LRP1B: variants seen among roughly 807,000 people sequenced by gnomAD.
The protein encoded by LRP1B is low-density lipoprotein receptor-related protein 1B.
LRP1B carries 217 observed loss-of-function variants against 556.6 expected under a neutral mutation model. That is an observed-to-expected ratio of 0.39 (90% confidence interval 0.35 to 0.44). LRP1B has a LOEUF of 0.44. Ranked by LOEUF, LRP1B falls within the 20% of genes least tolerant of loss-of-function variation. LRP1B has a pLI of 1.00. For synonymous variants in LRP1B, 2,047 were observed against 1,865.8 expected, an observed-to-expected ratio of 1.10 and a Z score of -2.50; for missense variants, 5,053 against 5,620.8, an observed-to-expected ratio of 0.90 and a Z score of 3.23.
Position 140,782,436 on chromosome 2 carries a change from T to A in LRP1B, c.5360-6198A>T, listed in dbSNP as rs954367023. Among the ~76,000 whole-genome samples the A allele has an allele frequency of 1.4e-4, 21 of 152,252 alleles. No homozygotes were observed. The East Asian group carries it at 2.3e-3, about 17-fold the overall frequency. ...ACAGATATGCACTGAGGAAAGGCCA[T>A]GTGAAACCACAGGGAGAAGACCGTC... On this transcript the variant is annotated intron_variant, in intron 32 of 90. Coordinates refer to ENST00000389484, the MANE Select transcript of LRP1B (RefSeq NM_018557.3).
intron 1 of LRP1B, among the ~76,000 whole-genome samples, chr2:141,995,953 C>G (rs1192227491): frequency 1.3e-5 from 2 of 152,038 alleles, no homozygotes; most frequent in Non-Finnish European, 2.9e-5. Context: ...ATCTTATACC[C>G]ATTAAGAAGT....
intron 7 of LRP1B, among the ~76,000 whole-genome samples, chr2:141,153,369 T>G (rs1701977921): frequency 9.1e-6 from 1 of 109,512 alleles, no homozygotes. Context: ...TATATTTATA[T>G]ATAATAATAT....
Position 140,237,847 on chromosome 2 carries a change from C to A in LRP1B, c.13560+305G>T, listed in dbSNP as rs975502776. 2.0e-5 allele frequency among the ~76,000 whole-genome samples: 3 copies of A among 150,610 alleles called. No homozygotes were observed. In the Admixed American group the frequency reaches 2.0e-4, roughly 10 times the overall value. ...TAAAACAATTTTTAAATGAGTTTTT[C>A]GTTTGCTTTATGTAAACAAAATTAG... On this transcript the variant is annotated intron_variant, in intron 89 of 90. Transcript: ENST00000389484.
chr2:141,044,328 C>T (rs1464315193), intron 11 of LRP1B, among the ~76,000 whole-genome samples: 1 of 151,672 alleles, frequency 6.6e-6, no homozygotes, highest in Non-Finnish European at 1.5e-5. Flanking sequence ...TAGAAAAAAA[C>T]CTAGGCATTA....
chr2:141,601,826 C>T (rs1469324606), intron 2 of LRP1B, among the ~76,000 whole-genome samples: 1 of 152,076 alleles, frequency 6.6e-6, no homozygotes, highest in Non-Finnish European at 1.5e-5. Flanking sequence ...TGGTTTTGAA[C>T]TAATGATCTC....
At position 142,115,706 on chromosome 2, in the gene LRP1B, A is replaced by ACATATATATAATATATATATT. The variant is rs1491096067; in HGVS notation, c.82+14941_82+14942insAATATATATATTATATATATG. Among the ~76,000 whole-genome samples the ACATATATATAATATATATATT allele has an allele frequency of 7.0e-3, 26 of 3,722 alleles. 8 individuals carry two copies. Among genetic ancestry groups the ACATATATATAATATATATATT allele is most frequent in the African/African-American group, 0.021 (25 of 1,198 alleles). 2.4% of individuals were successfully genotyped at this position (3,722 alleles called of 152,430 possible). On this transcript the variant is annotated intron_variant, in intron 1 of 90. Coordinates refer to ENST00000389484, the MANE Select transcript of LRP1B (RefSeq NM_018557.3). ...TATAATATATATGTAATATATATAT[A>ACATATATATAATATATATATT]ATATATATGTAATATATATATAATA...
chr2:141,761,816 A>T (rs1226042340), intron 2 of LRP1B, among the ~76,000 whole-genome samples: 2 of 152,126 alleles, frequency 1.3e-5, no homozygotes, highest in Non-Finnish European at 2.9e-5. Flanking sequence ...TGAAACTGTG[A>T]ACTACCTCAA....
At chr2:140,765,761 T>C (rs1297509491) in intron 35 of LRP1B, among the ~76,000 whole-genome samples, 1 of 152,162 alleles carries the variant, frequency 6.6e-6, no homozygotes, top group Non-Finnish European at 1.5e-5. Context: ...TCTTATGAAA[T>C]GCACAGGTTT....
intron 3 of LRP1B, among the ~76,000 whole-genome samples, chr2:141,390,516 A>T (rs1690011020): frequency 6.6e-6 from 1 of 152,238 alleles, no homozygotes; most frequent in African/African-American, 2.4e-5. Context: ...GCATTATGCA[A>T]AAGATTTTAA....
intron 1 of LRP1B, among the ~76,000 whole-genome samples, chr2:142,010,307 C>A (rs1702916095): frequency 6.6e-6 from 1 of 152,034 alleles, no homozygotes; most frequent in Non-Finnish European, 1.5e-5. Flanking sequence ...GTAATCCTAG[C>A]ACTTTGGGAG....
chr2:140,416,407 G>C (rs899930456), intron 66 of LRP1B, among the ~76,000 whole-genome samples: 1 of 152,180 alleles, frequency 6.6e-6, no homozygotes, highest in Non-Finnish European at 1.5e-5. Flanking sequence ...TGTAATCCCA[G>C]CACTTGGGGA....
In LRP1B at chr2:140,950,336, C is replaced by A. The variant is rs1166257946; in HGVS notation, c.3035G>T (p.Arg1012Ile). ...CVHSCFDNQF[R>I]CSSGRCIPGH... ...TGGGATGCATCTGCCACTGGAACAT[C>A]TGAACTGATTATCAAAGCAAGAGTG... The change falls in exon 20 of 91, where the codon AGA (arginine) becomes ATA (isoleucine). Residue 1012 changes from arginine to isoleucine, a missense_variant. Physicochemically the swap from Arg to Ile is moderately conservative, Grantham distance 97. This residue lies in a region of LRP1B where 3,619 missense variants were observed against 3,931.9 expected (regional missense o/e 0.92). Coordinates refer to ENST00000389484, the MANE Select transcript of LRP1B (RefSeq NM_018557.3). The A allele has an allele frequency of 8.7e-6, 14 of 1,612,938 alleles. No individual in the cohort carries two copies. Among genetic ancestry groups the A allele is most frequent in the Non-Finnish European group, 1.1e-5 (13 of 1,179,508 alleles).
At chr2:141,231,247 C>A (rs538032179) in intron 5 of LRP1B, among the ~76,000 whole-genome samples, 1 of 152,288 alleles carries the variant, frequency 6.6e-6, no homozygotes, top group Admixed American at 6.5e-5. Flanking sequence ...TATTTAGTGG[C>A]CTTTCTTTTG....
chr2:141,749,036 G>A (rs1259690558), intron 2 of LRP1B, among the ~76,000 whole-genome samples: 1 of 152,064 alleles, frequency 6.6e-6, no homozygotes, highest in East Asian at 1.9e-4. Context: ...ATCAATCTAA[G>A]AATGGGATGG....
chr2:140,749,866 T>C (rs1364483357), intron 35 of LRP1B, among the ~76,000 whole-genome samples: 1 of 152,214 alleles, frequency 6.6e-6, no homozygotes, highest in Admixed American at 6.5e-5. Flanking sequence ...TGCTATACTT[T>C]CATATGACTG....
At chr2:141,797,104 A>G (rs1270190719) in intron 2 of LRP1B, among the ~76,000 whole-genome samples, 2 of 146,212 alleles carry the variant, frequency 1.4e-5, no homozygotes. Flanking sequence ...GAAGGTACCT[A>G]GTCAAATAAA....
intron 3 of LRP1B, among the ~76,000 whole-genome samples, chr2:141,473,212 C>T (rs1055108226): frequency 4.6e-5 from 7 of 151,952 alleles, no homozygotes; most frequent in African/African-American, 1.7e-4. Flanking sequence ...AAACTAAGTC[C>T]CTGAAAAAAT....
At chr2:142,120,399 A>AAAGG in intron 1 of LRP1B, among the ~76,000 whole-genome samples, 1 of 152,204 alleles carries the variant, frequency 6.6e-6, no homozygotes, top group Non-Finnish European at 1.5e-5. Flanking sequence ...GGCGTGAGCC[A>AAAGG]CCATGCCCGG....
chr2:141,212,528 C>T (rs1682609388), intron 6 of LRP1B, among the ~76,000 whole-genome samples: 1 of 151,214 alleles, frequency 6.6e-6, no homozygotes, highest in Non-Finnish European at 1.5e-5. Flanking sequence ...TCGTGATCTG[C>T]CCACCTCGGC....
Sources: gnomAD v4.1 joint callset for allele counts (sites outside exome capture counted in the v4.1 genomes callset) on GRCh38, gnomAD v4.1.1 for gene constraint, gnomAD v4.1.1 regional missense constraint, MANE v1.5 for transcripts, NCBI Gene and HGNC (gene_info 2026-07-23, HGNC 2026-07-21) for gene names.